FAT1: variants seen among roughly 807,000 people sequenced by gnomAD.
The protein encoded by FAT1 is FAT atypical cadherin 1, also known as protocadherin Fat 1.
FAT1 carries 171 observed loss-of-function variants against 329.8 expected under a neutral mutation model. The ratio of observed to expected loss-of-function variants is 0.52; its 90% CI spans 0.46 to 0.59. The LOEUF (loss-of-function observed/expected upper bound fraction) is 0.59, where lower values mean the gene tolerates loss of function less well. Ranked by LOEUF, FAT1 falls within the 20% of genes least tolerant of loss-of-function variation. The pLI, the probability that FAT1 is intolerant of heterozygous loss-of-function variation, is 0.00. For synonymous variants in FAT1, 2,233 were observed against 2,228.6 expected, an observed-to-expected ratio of 1.00 and a Z score of -0.06; for missense variants, 5,672 against 5,774.4, an observed-to-expected ratio of 0.98 and a Z score of 0.57.
intron 3 of FAT1, among the ~76,000 whole-genome samples, chr4:186,640,506 C>A (rs534429080): frequency 1.3e-5 from 2 of 152,212 alleles, no homozygotes; most frequent in South Asian, 2.1e-4. Flanking sequence ...TTAATAAGGA[C>A]TATTGAAAAT....
chr4:186,606,477 T>G (rs1433661240), intron 16 of FAT1, among the ~76,000 whole-genome samples: 1 of 152,188 alleles, frequency 6.6e-6, no homozygotes, highest in Non-Finnish European at 1.5e-5. Flanking sequence ...TCTTTTATCT[T>G]GCAGTTCTAT....
intron 1 of FAT1, among the ~76,000 whole-genome samples, 155 bp from the exon 2 acceptor site, chr4:186,710,000 A>G (rs1744881873): frequency 6.6e-6 from 1 of 152,238 alleles, no homozygotes; most frequent in Admixed American, 6.5e-5. Context: ...TTTCCAATAT[A>G]AGTATCAACA....
At chr4:186,614,451 G>T in intron 11 of FAT1, 107 bp from the exon 12 acceptor site, 1 of 701,558 alleles carries the variant, frequency 1.4e-6, no homozygotes. Flanking sequence ...CAGAAAACAT[G>T]GGAAATGACT....
At chr4:186,677,519 T>C in intron 2 of FAT1, among the ~76,000 whole-genome samples, 1 of 151,956 alleles carries the variant, frequency 6.6e-6, no homozygotes, top group South Asian at 2.1e-4. Flanking sequence ...GAACGGTGTA[T>C]CATATAACGG....
Position 186,706,733 on chromosome 4 carries a change from G to A in FAT1, c.3095C>T (p.Pro1032Leu), listed in dbSNP as rs1268739963. 6.2e-7 allele frequency: 1 copy of A among 1,613,908 alleles called. No individual in the cohort carries two copies. The highest frequency in any genetic ancestry group is 2.2e-5 in the East Asian group (1 of 44,856). Residue 1032 changes from proline to leucine, a missense_variant, in exon 2 of 27, where the codon CCC (proline) becomes CTC (leucine). Physicochemically the swap from Pro to Leu is moderately conservative, Grantham distance 98 (BLOSUM62 -3). This residue lies in a region of FAT1 where 3,966 missense variants were observed against 3,915.2 expected (regional missense o/e 1.01). Coordinates refer to ENST00000441802, the MANE Select transcript of FAT1 (RefSeq NM_005245.4). ...CTTTTCCACAAAGCTGGAAAACACGGGTGGGTGCAGGTTCTCATTCACATC... is the reference window on the plus strand; with the variant it reads ...CTTTTCCACAAAGCTGGAAAACACGAGTGGGTGCAGGTTCTCATTCACATC... ...VVDVNENLHP[P>L]VFSSFVEKGT...
Position 186,614,341 on chromosome 4 carries a change from A to T in FAT1, c.9079T>A (p.Leu3027Ile). ...TCTTCAGGAATAGTGTCTGAATATA[A>T]AGTCTGCAAAGAGTTTAAACAAAAA... is the stretch of plus-strand genomic sequence containing the variant. Reference protein sequence around the residue: ...NDNSPVCEKTLYSDTIPEDVL... With the variant: ...NDNSPVCEKTIYSDTIPEDVL... The change falls in exon 12 of 27, where the codon TTA becomes ATA. Residue 3027 changes from leucine to isoleucine, a missense_variant. This residue lies in a region of FAT1 where 3,966 missense variants were observed against 3,915.2 expected (regional missense o/e 1.01). Transcript: ENST00000441802. 1 of 1,536,778 alleles carries T rather than the reference A, an allele frequency of 6.5e-7. No individual in the cohort carries two copies. The highest frequency in any genetic ancestry group is 8.7e-7 in the Non-Finnish European group (1 of 1,148,504).
chr4:186,617,132 G>A lies in FAT1; in HGVS notation c.8948C>T (p.Pro2983Leu), dbSNP rs1269950010. ...QNEWKVYVKKPLDREKRDNYL... is the reference protein window; with the variant it reads ...QNEWKVYVKKLLDREKRDNYL... Reference sequence around the variant, plus strand: ...ATTGTCCCTTTTTTCCCTGTCTAGAGGTTTCTTCACATATACCTTCCATTC... The same window carrying A: ...ATTGTCCCTTTTTTCCCTGTCTAGAAGTTTCTTCACATATACCTTCCATTC... Residue 2983 changes from proline to leucine, a missense_variant, in exon 11 of 27, where the codon CCT (proline) becomes CTT (leucine). By Grantham distance (98) the Pro-to-Leu change is moderately conservative. Around this residue, in one of 2 missense-constraint regions of FAT1, gnomAD observed 3,966 missense variants for 3,915.2 expected, o/e 1.01. Transcript: ENST00000441802. 5 of 1,613,682 alleles carry A rather than the reference G, an allele frequency of 3.1e-6. No homozygotes were observed. Among genetic ancestry groups the A allele is most frequent in the Non-Finnish European group, 4.2e-6 (5 of 1,179,798 alleles).
intron 26 of FAT1, 26 bp downstream of exon 26, chr4:186,595,663 A>G: frequency 6.2e-7 from 1 of 1,612,586 alleles, no homozygotes; most frequent in Non-Finnish European, 8.5e-7. Context: ...AGCAAAGCGC[A>G]GTGTTGCAGC....
intron 24 of FAT1, 184 bp from the exon 25 acceptor site, chr4:186,597,355 C>A: frequency 9.4e-6 from 6 of 640,724 alleles, no homozygotes; most frequent in Non-Finnish European, 1.6e-5. Flanking sequence ...GTGGAGAAAC[C>A]AATCATGTGA....
intron 3 of FAT1, among the ~76,000 whole-genome samples, chr4:186,645,962 A>AAT (rs1553993243): frequency 4.2e-5 from 4 of 94,524 alleles, no homozygotes; most frequent in African/African-American, 1.4e-4. Context: ...AAAAAAAAAA[A>AAT]ATATATACAC....
chr4:186,617,017 T>C lies in FAT1; in HGVS notation c.9063A>G (p.Pro3021=). Residue 3021 remains proline (P), a synonymous_variant, in exon 11 of 27, where the codon CCA becomes CCG. Transcript: ENST00000441802. ...VKVLDANDNS[P]VCEKTLYSDT... ...AAGAGCTGCTTACCTTTTCACAAAC[T>C]GGACTGTTGTCATTTGCATCCAGAA... is the stretch of plus-strand genomic sequence containing the variant. The C allele has an allele frequency of 6.2e-7, 1 of 1,612,100 alleles. No homozygotes were observed. Among genetic ancestry groups the C allele is most frequent in the Non-Finnish European group, 8.5e-7 (1 of 1,179,334 alleles).
rs762971161 is a variant in FAT1, at chr4:186,663,260, A to G, written c.3580+39T>C. Reference sequence around the variant, plus strand: ...TTACTTTTCCCCCTAACAGAAAAGCATAAGCATAAACATTTCCTATAGCAG... The same window carrying G: ...TTACTTTTCCCCCTAACAGAAAAGCGTAAGCATAAACATTTCCTATAGCAG... On this transcript the variant is annotated intron_variant, in intron 3 of 26. Coordinates refer to ENST00000441802, the MANE Select transcript of FAT1 (RefSeq NM_005245.4). The G allele has an allele frequency of 1.0e-5, 15 of 1,459,296 alleles. No homozygotes were observed. The East Asian group carries it at 3.5e-4, about 34-fold the overall frequency. 90.4% of individuals were successfully genotyped at this position (1,459,296 alleles called of 1,614,324 possible).
At chr4:186,644,994 T>G (rs1046596610) in intron 3 of FAT1, among the ~76,000 whole-genome samples, 4 of 152,114 alleles carry the variant, frequency 2.6e-5, no homozygotes, top group African/African-American at 9.7e-5. Flanking sequence ...CAGGATAGAT[T>G]GTAGGGCACT....
intron 3 of FAT1, among the ~76,000 whole-genome samples, chr4:186,656,582 A>G (rs916599887): frequency 6.7e-6 from 1 of 148,846 alleles, no homozygotes; most frequent in African/African-American, 2.6e-5. Context: ...ACAAACACAC[A>G]TCTGCCTTCC....
intron 2 of FAT1, among the ~76,000 whole-genome samples, chr4:186,696,696 T>C (rs1404780236): frequency 3.9e-5 from 6 of 152,186 alleles, no homozygotes; most frequent in Non-Finnish European, 7.3e-5. Context: ...CTATTTTCCA[T>C]AGAGGTCAAA....
chr4:186,707,777 G>A lies in FAT1; in HGVS notation c.2051C>T (p.Ala684Val), dbSNP rs746504193. 2.5e-6 allele frequency: 4 copies of A among 1,613,522 alleles called. No individual in the cohort carries two copies. The highest frequency in any genetic ancestry group is 1.3e-5 in the African/African-American group (1 of 74,890). Residue 684 changes from alanine (A) to valine (V), a missense_variant, in exon 2 of 27, where the codon GCA becomes GTA. Ala to Val is a moderately conservative substitution (Grantham distance 64, BLOSUM62 0). Around this residue, in one of 2 missense-constraint regions of FAT1, gnomAD observed 3,966 missense variants for 3,915.2 expected, o/e 1.01. Coordinates refer to ENST00000441802, the MANE Select transcript of FAT1 (RefSeq NM_005245.4). ...TTTATTTGCCTGCAGGAGCTTCTCT[G>A]CCAGCATTTTGGCAACACCAGTCTC... The part of the protein sequence containing the change: ...CEETGVAKML[A>V]EKLLQANKLH...
At chr4:186,683,340 C>T (rs549047961) in intron 2 of FAT1, among the ~76,000 whole-genome samples, 1 of 152,158 alleles carries the variant, frequency 6.6e-6, no homozygotes, top group East Asian at 1.9e-4. Flanking sequence ...GGCACAGCAC[C>T]ATCCACCTTG....
chr4:186,663,604 T>A lies in FAT1; in HGVS notation c.3275A>T (p.Glu1092Val), dbSNP rs2126618916. Residue 1092 changes from glutamate to valine, a missense_variant, in exon 3 of 27, where the codon GAG becomes GTG. This residue lies in a region of FAT1 where 3,966 missense variants were observed against 3,915.2 expected (regional missense o/e 1.01). Transcript: ENST00000441802. ...FKIGEETGVI[E>V]TSDRLDREST... ...TTCACGGTCCAGTCGATCTGACGTC[T>A]CTATGACACCTACAGAGAAAAAAGA... 6.2e-7 allele frequency: 1 copy of A among 1,607,002 alleles called. No individual in the cohort carries two copies. Among genetic ancestry groups the A allele is most frequent in the Non-Finnish European group, 8.5e-7 (1 of 1,179,004 alleles).
intron 26 of FAT1, among the ~76,000 whole-genome samples, chr4:186,594,699 T>C (rs968053897): frequency 2.2e-5 from 3 of 137,664 alleles, no homozygotes; most frequent in Admixed American, 7.2e-5. Context: ...TATATATATA[T>C]ACTTGAAATC....
Sources: allele counts gnomAD v4.1 joint callset (sites outside exome capture counted in the v4.1 genomes callset), GRCh38; gene constraint gnomAD v4.1.1; regional missense constraint gnomAD v4.1.1; transcripts MANE v1.5; gene names NCBI Gene and HGNC (gene_info 2026-07-23, HGNC 2026-07-21).